SLC39A14: variants seen among roughly 807,000 people sequenced by gnomAD.
The protein encoded by SLC39A14 is metal cation symporter ZIP14.
SLC39A14 carries 19 observed loss-of-function variants against 45.5 expected under a neutral mutation model. The ratio of observed to expected loss-of-function variants is 0.42; its 90% confidence interval spans 0.29 to 0.61. The LOEUF (loss-of-function observed/expected upper bound fraction) is 0.61, where lower values mean the gene tolerates loss of function less well. SLC39A14 is among the 20% of genes least tolerant of loss of function. The pLI, the probability that SLC39A14 is intolerant of heterozygous loss-of-function variation, is 0.22. For synonymous variants in SLC39A14, 264 were observed against 251.3 expected, an observed-to-expected ratio of 1.05 and a Z score of -0.48; for missense variants, 447 against 616.5, an observed-to-expected ratio of 0.73 and a Z score of 2.91.
chr8:22,382,969 C>T (rs1033069388), intron 1 of SLC39A14, among the ~76,000 whole-genome samples: 3 of 151,854 alleles, frequency 2.0e-5, no homozygotes, highest in South Asian at 2.1e-4. Flanking sequence ...CCACCCGCAT[C>T]GGCCTCCCAA....
intron 2 of SLC39A14, 85 bp downstream of exon 2, chr8:22,405,065 C>A: frequency 7.4e-7 from 1 of 1,352,674 alleles, no homozygotes; most frequent in Non-Finnish European, 1.0e-6. Flanking sequence ...CCCAGGGCAG[C>A]CTGGCAGCTT....
At position 22,420,123 on chromosome 8, in the gene SLC39A14, C is replaced by T. The variant is rs2132381703; in HGVS notation, c.*425C>T. 1 of 987,486 alleles carries T rather than the reference C, an allele frequency of 1.0e-6. No individual in the cohort carries two copies. The highest frequency in any genetic ancestry group is 6.1e-5 in the Admixed American group (1 of 16,512). The allele number at this position is 987,486 out of a possible 1,614,324, so 61.2% of individuals were successfully genotyped here. The stretch of plus-strand genomic sequence containing the variant: ...TGAATCCATAGTGTGGGGCCCATGA[C>T]TCTAGCTGGGCACCTTGGACCTCCA... On this transcript the variant is annotated 3_prime_UTR_variant, in exon 9 of 9. Transcript: ENST00000381237.
At chr8:22,404,594 TG>T in intron 1 of SLC39A14, 101 bp from the exon 2 acceptor site, 1 of 1,105,370 alleles carries the variant, frequency 9.0e-7, no homozygotes, top group Non-Finnish European at 1.3e-6. Context: ...AAGCAGAGAC[TG>T]AGGGATAGTC....
intron 1 of SLC39A14, among the ~76,000 whole-genome samples, chr8:22,375,295 T>C (rs1586635955): frequency 6.6e-6 from 1 of 152,200 alleles, no homozygotes; most frequent in East Asian, 1.9e-4. Flanking sequence ...TTAAAAGTAA[T>C]GCATGCATAT....
At chr8:22,414,676 C>G in intron 4 of SLC39A14, 104 bp from the exon 5 acceptor site, 1 of 1,257,904 alleles carries the variant, frequency 7.9e-7, no homozygotes, top group Non-Finnish European at 1.1e-6. Context: ...TCCATTATGC[C>G]TCTCTCCTTT....
chr8:22,404,640 G>C, intron 1 of SLC39A14, 56 bp from the exon 2 acceptor site: 2 of 1,543,858 alleles, frequency 1.3e-6, no homozygotes, highest in Non-Finnish European at 1.8e-6. Context: ...CGGGCCTGGC[G>C]CAGTTGCCGG....
At chr8:22,425,994 C>T (rs1011568376), downstream of SLC39A14, among the ~76,000 whole-genome samples, 8 of 150,520 alleles carry the variant, frequency 5.3e-5, no homozygotes, top group Non-Finnish European at 7.4e-5. Flanking sequence ...CAGATTCAAG[C>T]GATTCTCCTG....
At chr8:22,433,069 G>T (rs1221224494) in intron 8 of SLC39A14, among the ~76,000 whole-genome samples, 1 of 152,042 alleles carries the variant, frequency 6.6e-6, no homozygotes, top group African/African-American at 2.4e-5. Context: ...CTCCCAAAGT[G>T]CTGGGATTAC....
At chr8:22,412,349 G>A (rs1835621975) in intron 4 of SLC39A14, 143 bp downstream of exon 4, 1 of 868,960 alleles carries the variant, frequency 1.2e-6, no homozygotes, top group African/African-American at 1.7e-5. Flanking sequence ...TGAACTAGGA[G>A]AGGCAGCCCA....
intron 3 of SLC39A14, chr8:22,409,941 C>T: frequency 6.2e-7 from 1 of 1,613,842 alleles, no homozygotes; most frequent in South Asian, 1.1e-5. Context: ...CTTGTTCCTC[C>T]ACAGTGTGGG....
chr8:22,393,232 G>A lies in SLC39A14; in HGVS notation c.-15-11464G>A, dbSNP rs566716486. ...GGAGGAAGATAATGCATCCTTTCAG[G>A]GTATGGAGGAGAGCAGTAGGTGGGA... On this transcript the variant is annotated intron_variant, in intron 1 of 8. Transcript: ENST00000381237. 227 of 985,772 alleles carry A rather than the reference G, an allele frequency of 2.3e-4. 1 individual carries two copies. In the African/African-American group the frequency reaches 3.6e-3, roughly 16 times the overall value. The allele number at this position is 985,772 out of a possible 1,614,324, so 61.1% of individuals were successfully genotyped here.
intron 8 of SLC39A14, among the ~76,000 whole-genome samples, chr8:22,430,651 C>T (rs545049895): frequency 5.3e-5 from 8 of 152,144 alleles, no homozygotes; most frequent in Admixed American, 4.6e-4. Context: ...CAGGAAGTGA[C>T]GGCAGCTTTG....
Position 22,420,850 on chromosome 8 carries a change from TA to T in SLC39A14, c.*1153del, listed in dbSNP as rs893024176. The T allele has an allele frequency of 1.1e-4, 105 of 985,496 alleles. No individual in the cohort carries two copies. The African/African-American group carries it at 1.6e-3, about 15-fold the overall frequency. The allele number at this position is 985,496 out of a possible 1,614,324, so 61.0% of individuals were successfully genotyped here. A position where few individuals can be genotyped will look rare whatever the true frequency, so the allele number is the denominator to read the frequency against. On this transcript the variant is annotated 3_prime_UTR_variant, in exon 9 of 9. Transcript: ENST00000381237. Reference sequence around the variant, plus strand: ...TTTGCAGAATGGTTGGCCTAATGATTATGCTACAGATGGGTTTTAAATGACC... The same window carrying T: ...TTTGCAGAATGGTTGGCCTAATGATTTGCTACAGATGGGTTTTAAATGACC...
At chr8:22,399,223 G>A (rs1834703756) in intron 1 of SLC39A14, among the ~76,000 whole-genome samples, 1 of 152,210 alleles carries the variant, frequency 6.6e-6, no homozygotes, top group Admixed American at 6.5e-5. Flanking sequence ...CTGGGGCCAT[G>A]CGCGCGGACC....
Position 22,420,628 on chromosome 8 carries a change from C to T in SLC39A14, c.*930C>T, listed in dbSNP as rs1836172658. 6.1e-6 allele frequency: 6 copies of T among 985,280 alleles called. No homozygotes were observed. In the South Asian group the frequency reaches 2.3e-4, roughly 39 times the overall value. The allele number at this position is 985,280 out of a possible 1,614,324, so 61.0% of individuals were successfully genotyped here. A position where few individuals can be genotyped will look rare whatever the true frequency, so the allele number is the denominator to read the frequency against. ...GGAGACTGCACAAACTATCCTCCCCCAGGTTGAGACGTCTGCAGAGTGGCA... is the reference window on the plus strand; with the variant it reads ...GGAGACTGCACAAACTATCCTCCCCTAGGTTGAGACGTCTGCAGAGTGGCA... On this transcript the variant is annotated 3_prime_UTR_variant, in exon 9 of 9. Coordinates refer to ENST00000381237, the MANE Select transcript of SLC39A14 (RefSeq NM_001128431.4).
At chr8:22,424,008 C>A (rs1325422158), downstream of SLC39A14, among the ~76,000 whole-genome samples, 1 of 150,326 alleles carries the variant, frequency 6.7e-6, no homozygotes, top group Non-Finnish European at 1.5e-5. Context: ...AAACATCTTG[C>A]TACGTTGCCC....
downstream of SLC39A14, among the ~76,000 whole-genome samples, chr8:22,424,903 T>C (rs2122877): frequency 0.51 from 77,520 of 151,646 alleles, 22,209 homozygotes; most frequent in African/African-American, 0.78. Flanking sequence ...GTGGTGTGCC[T>C]CTGTAATCCC....
At chr8:22,368,470 T>G (rs1310224961) in intron 1 of SLC39A14, among the ~76,000 whole-genome samples, 1 of 152,142 alleles carries the variant, frequency 6.6e-6, no homozygotes, top group African/African-American at 2.4e-5. Context: ...CATATACAAT[T>G]CCGTAATCCT....
In SLC39A14 at chr8:22,415,891, C is replaced by T. The variant is rs1835846972; in HGVS notation, c.873C>T (p.Ser291=). ...DLDHMIPQHC[S]SELDGKAPMV... ...ACCACATGATTCCTCAGCACTGCAG[C>T]AGTGAGCTGGACGGCAAGGCGCCCA... The change falls in exon 6 of 9, where the codon AGC becomes AGT. Residue 291 remains serine, a synonymous_variant. Transcript: ENST00000381237. 2 of 1,612,704 alleles carry T rather than the reference C, an allele frequency of 1.2e-6. No homozygotes were observed. Among genetic ancestry groups the T allele is most frequent in the Admixed American group, 1.7e-5 (1 of 59,564 alleles).
Sources: gnomAD v4.1 joint callset for allele counts (sites outside exome capture counted in the v4.1 genomes callset) on GRCh38, gnomAD v4.1.1 for gene constraint, MANE v1.5 for transcripts, NCBI Gene and HGNC (gene_info 2026-07-23, HGNC 2026-07-21) for gene names.